ZNF148: variants seen among roughly 807,000 people sequenced by gnomAD.
ZNF148 encodes the protein zinc finger protein 148.
ZNF148 carries 7 observed loss-of-function variants against 67.7 expected under a neutral mutation model. The observed-to-expected ratio is 0.10, with a 90% CI of 0.06 to 0.19. ZNF148 has a LOEUF of 0.19. Among genes scored for constraint, ZNF148 ranks in the 10% least tolerant of loss-of-function variants. The pLI, the probability that ZNF148 is intolerant of heterozygous loss-of-function variation, is 1.00. For synonymous variants in ZNF148, 333 were observed against 330.7 expected, an observed-to-expected ratio of 1.01 and a Z score of -0.08; for missense variants, 583 against 947.1, an observed-to-expected ratio of 0.62 and a Z score of 5.05.
chr3:125,330,784 T>C (rs1483786375), intron 2 of ZNF148, among the ~76,000 whole-genome samples: 1 of 152,162 alleles, frequency 6.6e-6, no homozygotes, highest in Non-Finnish European at 1.5e-5. Flanking sequence ...AGATATCTTC[T>C]TTCATGTTGT....
intron 7 of ZNF148, among the ~76,000 whole-genome samples, chr3:125,267,717 G>T (rs1937565746): frequency 6.6e-6 from 1 of 152,164 alleles, no homozygotes; most frequent in South Asian, 2.1e-4. Context: ...AGTACTGGAA[G>T]TCCTAGCCAG....
In ZNF148 at chr3:125,231,313, G is replaced by C. The variant is rs773086217; in HGVS notation, c.*1028C>G. The C allele has an allele frequency of 6.6e-6, 1 of 152,306 alleles. No individual in the cohort carries two copies. Among genetic ancestry groups the C allele is most frequent in the Non-Finnish European group, 1.5e-5 (1 of 67,932 alleles). 9.4% of individuals were successfully genotyped at this position (152,306 alleles called of 1,614,324 possible). On this transcript the variant is annotated 3_prime_UTR_variant, in exon 9 of 9. Coordinates refer to ENST00000360647, the MANE Select transcript of ZNF148 (RefSeq NM_021964.3). ...TCCCAATTTCCTTTTATTGCCAAAA[G>C]TTAAAATTGTCAATTACGAGATGAT...
chr3:125,245,424 C>A lies in ZNF148; in HGVS notation c.668-11095G>T, dbSNP rs1204891188. On this transcript the variant is annotated intron_variant, in intron 7 of 8. Coordinates refer to ENST00000360647, the MANE Select transcript of ZNF148 (RefSeq NM_021964.3). ...CCCTTCCACCATGATTGCAAGTTTC[C>A]TGATGCCTCCCCAGCCATGTGGAAC... is the stretch of plus-strand genomic sequence containing the variant. 5.9e-5 allele frequency among the ~76,000 whole-genome samples: 9 copies of A among 152,300 alleles called. No individual in the cohort carries two copies. The East Asian group carries it at 1.7e-3, about 29-fold the overall frequency.
rs946711395 is a variant in ZNF148 at position 125,321,877 on chromosome 3, C to T, written c.-17+1432G>A. 1.3e-4 allele frequency among the ~76,000 whole-genome samples: 20 copies of T among 151,456 alleles called. No individual in the cohort carries two copies. The East Asian group carries it at 3.9e-3, about 29-fold the overall frequency. ...GTATACTATGAACAAATGTTAAACACCTAATTTTTTTTTTTAATTACATGA... is the reference window on the plus strand; with the variant it reads ...GTATACTATGAACAAATGTTAAACATCTAATTTTTTTTTTTAATTACATGA... On this transcript the variant is annotated intron_variant, in intron 3 of 8. Transcript: ENST00000360647.
intron 1 of ZNF148, among the ~76,000 whole-genome samples, chr3:125,374,751 CT>C: frequency 6.6e-6 from 1 of 152,194 alleles, no homozygotes; most frequent in East Asian, 1.9e-4. Context: ...TCTCCCTAGC[CT>C]TTTCACACCC....
chr3:125,373,702 A>G (rs1942966767), intron 1 of ZNF148, among the ~76,000 whole-genome samples: 1 of 152,112 alleles, frequency 6.6e-6, no homozygotes, highest in African/African-American at 2.4e-5. Context: ...GTTTTCTTCA[A>G]TGCCATCATG....
intron 4 of ZNF148, among the ~76,000 whole-genome samples, chr3:125,309,616 G>A (rs549657272): frequency 1.3e-5 from 2 of 152,286 alleles, no homozygotes; most frequent in Admixed American, 1.3e-4. Flanking sequence ...GTTGGATAAG[G>A]GACGGGATTA....
intron 1 of ZNF148, among the ~76,000 whole-genome samples, chr3:125,370,494 G>A (rs1942845068): frequency 6.6e-6 from 1 of 152,134 alleles, no homozygotes; most frequent in Admixed American, 6.5e-5. Flanking sequence ...CTCTGCTCTA[G>A]AACAGGTTAC....
intron 7 of ZNF148, among the ~76,000 whole-genome samples, chr3:125,241,383 C>T (rs1386909249): frequency 2.7e-5 from 4 of 150,640 alleles, no homozygotes; most frequent in African/African-American, 9.8e-5. Context: ...TTCAGGGACT[C>T]AAGTGATATT....
intron 4 of ZNF148, among the ~76,000 whole-genome samples, chr3:125,297,001 C>G (rs955820445): frequency 2.0e-5 from 3 of 151,774 alleles, no homozygotes; most frequent in Non-Finnish European, 4.4e-5. Context: ...AATGGTATGT[C>G]AAGAGCAGTT....
chr3:125,236,818 T>C (rs1364850209), intron 7 of ZNF148, among the ~76,000 whole-genome samples: 2 of 152,146 alleles, frequency 1.3e-5, no homozygotes, highest in Non-Finnish European at 2.9e-5. Context: ...AATAGCTCAC[T>C]TGTATACAAT....
At chr3:125,321,724 G>C (rs573631188) in intron 3 of ZNF148, among the ~76,000 whole-genome samples, 4 of 152,148 alleles carry the variant, frequency 2.6e-5, no homozygotes, top group African/African-American at 4.8e-5. Flanking sequence ...CATTCTGTTG[G>C]ATCTAGTCAT....
chr3:125,339,760 T>G (rs1423808547), intron 1 of ZNF148, among the ~76,000 whole-genome samples: 1 of 152,216 alleles, frequency 6.6e-6, no homozygotes, highest in Non-Finnish European at 1.5e-5. Flanking sequence ...ATATCTCATG[T>G]ACCCCATAAA....
intron 7 of ZNF148, among the ~76,000 whole-genome samples, chr3:125,256,052 C>T (rs1937058706): frequency 1.3e-5 from 2 of 151,866 alleles, no homozygotes; most frequent in Admixed American, 1.3e-4. Flanking sequence ...ATAAATATGC[C>T]CAGCTTTCCT....
intron 1 of ZNF148, among the ~76,000 whole-genome samples, chr3:125,372,059 G>A (rs1209299017): frequency 5.1e-5 from 4 of 79,002 alleles, no homozygotes; most frequent in African/African-American, 2.0e-4. Flanking sequence ...GCGAGACTCC[G>A]TCTCAAAAAA....
intron 4 of ZNF148, among the ~76,000 whole-genome samples, chr3:125,310,622 A>G (rs1029630514): frequency 2.0e-5 from 3 of 152,136 alleles, no homozygotes; most frequent in Non-Finnish European, 4.4e-5. Flanking sequence ...GCAGAAATAA[A>G]TGAAACTGAA....
chr3:125,288,861 CTACACTG>C (rs1338326998), intron 4 of ZNF148, among the ~76,000 whole-genome samples: 4 of 152,122 alleles, frequency 2.6e-5, no homozygotes. Flanking sequence ...TTTTAGGCTG[CTACACTG>C]TACAAGACAT....
intron 1 of ZNF148, among the ~76,000 whole-genome samples, chr3:125,359,993 A>T (rs903522619): frequency 6.6e-6 from 1 of 152,208 alleles, no homozygotes; most frequent in Non-Finnish European, 1.5e-5. Flanking sequence ...AAGCCCAGGG[A>T]ATACAAGGGC....
chr3:125,348,662 A>T (rs1364727116), intron 1 of ZNF148, among the ~76,000 whole-genome samples: 1 of 152,184 alleles, frequency 6.6e-6, no homozygotes, highest in Non-Finnish European at 1.5e-5. Flanking sequence ...TAATGTTAAA[A>T]TGTCCATACT....
Sources: gnomAD v4.1 joint callset for allele counts (sites outside exome capture counted in the v4.1 genomes callset) on GRCh38, gnomAD v4.1.1 for gene constraint, MANE v1.5 for transcripts, NCBI Gene and HGNC (gene_info 2026-07-23, HGNC 2026-07-21) for gene names.